The following SGCD variants were observed in gnomAD, a reference collection of about 807,000 sequenced individuals.
SGCD encodes the protein sarcoglycan delta.
Under a neutral mutation model 36.6 loss-of-function variants are expected in SGCD, and 18 were observed. That is an observed-to-expected ratio of 0.49 (90% CI 0.34 to 0.73). SGCD has a LOEUF of 0.73. Ranked by LOEUF, SGCD falls within the 30% of genes least tolerant of loss-of-function variation. The probability of loss-of-function intolerance (pLI) is 0.01; values close to 1 mark genes in which losing one functional copy is unlikely to be tolerated. For synonymous variants in SGCD, 133 were observed against 130.6 expected, an observed-to-expected ratio of 1.02 and a Z score of -0.12; for missense variants, 387 against 346.7, an observed-to-expected ratio of 1.12 and a Z score of -0.92.
At chr5:156,453,786 G>C (rs1754131061) in intron 3 of SGCD, among the ~76,000 whole-genome samples, 1 of 152,160 alleles carries the variant, frequency 6.6e-6, no homozygotes, top group Non-Finnish European at 1.5e-5. Context: ...CAATGGAATT[G>C]GTCAGCAAAC....
intron 4 of SGCD, among the ~76,000 whole-genome samples, chr5:156,520,306 C>A (rs560073886): frequency 3.5e-4 from 53 of 152,212 alleles, no homozygotes; most frequent in South Asian, 1.9e-3. Flanking sequence ...ATACAGCTAA[C>A]AAGAAAATGG....
chr5:156,456,116 A>C (rs931543255), intron 3 of SGCD, among the ~76,000 whole-genome samples: 2 of 152,194 alleles, frequency 1.3e-5, no homozygotes, highest in Non-Finnish European at 2.9e-5. Flanking sequence ...AAACTAGTGC[A>C]GTTTGGTACC....
chr5:156,432,854 C>G (rs1303449431), intron 3 of SGCD, among the ~76,000 whole-genome samples: 11 of 152,154 alleles, frequency 7.2e-5, no homozygotes, highest in Non-Finnish European at 7.3e-5. Flanking sequence ...GCAGCCTGCA[C>G]ACAGAACTTA....
At chr5:156,699,255 T>C (rs780651178) in intron 7 of SGCD, among the ~76,000 whole-genome samples, 1 of 151,722 alleles carries the variant, frequency 6.6e-6, no homozygotes, top group Non-Finnish European at 1.5e-5. Context: ...GGTATCTATT[T>C]TTTTAAGGGA....
In SGCD at chr5:155,970,277, C is replaced by T. The variant is rs1234327298; in HGVS notation, c.-282+99853C>T. Reference sequence around the variant, plus strand: ...ATGACCACATCTCTCCTCCTGCTCTCTAGCTCTGTCTCTTCCAGTAGATGT... The same window carrying T: ...ATGACCACATCTCTCCTCCTGCTCTTTAGCTCTGTCTCTTCCAGTAGATGT... On this transcript the variant is annotated intron_variant, in intron 1 of 9. Transcript: ENST00000517913. 6.6e-5 allele frequency among the ~76,000 whole-genome samples: 10 copies of T among 152,148 alleles called. No individual in the cohort carries two copies. The East Asian group carries it at 1.7e-3, about 26-fold the overall frequency.
chr5:155,938,105 G>A (rs1757247478), intron 1 of SGCD, among the ~76,000 whole-genome samples: 2 of 152,312 alleles, frequency 1.3e-5, no homozygotes, highest in South Asian at 4.1e-4. Context: ...CACTCAAAAA[G>A]CTGTTGTTTG....
chr5:156,309,932 C>T (rs1436802257), intron 3 of SGCD, among the ~76,000 whole-genome samples: 1 of 151,936 alleles, frequency 6.6e-6, no homozygotes, highest in Non-Finnish European at 1.5e-5. Context: ...CATTGTATGT[C>T]GTATAATTTT....
chr5:156,665,335 A>G (rs1024838563), intron 7 of SGCD, among the ~76,000 whole-genome samples: 12 of 151,844 alleles, frequency 7.9e-5, no homozygotes, highest in African/African-American at 2.4e-4. Context: ...ATTATAGTCA[A>G]CATTTTGCGT....
chr5:156,609,932 A>T (rs530405596), intron 6 of SGCD, among the ~76,000 whole-genome samples: 2 of 152,060 alleles, frequency 1.3e-5, no homozygotes, highest in African/African-American at 2.4e-5. Context: ...TGGTTATTCT[A>T]GTTAGCCATT....
intron 3 of SGCD, among the ~76,000 whole-genome samples, chr5:156,488,191 C>T (rs1294739378): frequency 6.9e-6 from 1 of 144,108 alleles, no homozygotes. Flanking sequence ...ATATGGGACA[C>T]CATGAATATT....
intron 2 of SGCD, among the ~76,000 whole-genome samples, chr5:156,333,244 T>C (rs1768155976): frequency 6.6e-6 from 1 of 152,202 alleles, no homozygotes; most frequent in African/African-American, 2.4e-5. Flanking sequence ...TATAGAAGGA[T>C]GTGCCTAATT....
chr5:156,468,580 C>T (rs1157865909), intron 3 of SGCD, among the ~76,000 whole-genome samples: 8 of 152,050 alleles, frequency 5.3e-5, no homozygotes, highest in Non-Finnish European at 1.0e-4. Flanking sequence ...TTGAATCATC[C>T]CCGTTGAATT....
intron 3 of SGCD, among the ~76,000 whole-genome samples, chr5:156,291,669 T>C (rs1451115030): frequency 6.6e-6 from 1 of 152,162 alleles, no homozygotes; most frequent in Admixed American, 6.5e-5. Flanking sequence ...AAACTAGCTA[T>C]TCTCACGAAA....
intron 3 of SGCD, among the ~76,000 whole-genome samples, chr5:156,278,062 G>T (rs919106441): frequency 6.6e-6 from 1 of 152,202 alleles, no homozygotes; most frequent in Non-Finnish European, 1.5e-5. Flanking sequence ...AAGGAAAGGT[G>T]ATGCTTGAGC....
intron 1 of SGCD, among the ~76,000 whole-genome samples, chr5:156,020,043 C>T (rs1350202929): frequency 1.3e-5 from 2 of 152,154 alleles, no homozygotes; most frequent in East Asian, 3.9e-4. Flanking sequence ...CTCGAATTCC[C>T]TTCTCAGATT....
At chr5:156,037,397 G>A (rs1759525708) in intron 1 of SGCD, among the ~76,000 whole-genome samples, 1 of 152,284 alleles carries the variant, frequency 6.6e-6, no homozygotes, top group Middle Eastern at 3.4e-3. Flanking sequence ...TCTCCTCAAT[G>A]TTTTCCCCAG....
chr5:156,675,150 A>C (rs1753458212), intron 7 of SGCD, among the ~76,000 whole-genome samples: 1 of 152,206 alleles, frequency 6.6e-6, no homozygotes, highest in South Asian at 2.1e-4. Context: ...TGACTCTGGC[A>C]AAATTTAAAA....
chr5:155,797,260 TATAAG>T, the SGCD span, among the ~76,000 whole-genome samples: 1 of 152,158 alleles, frequency 6.6e-6, no homozygotes, highest in Non-Finnish European at 1.5e-5. Context: ...TTTTCAAACA[TATAAG>T]GTAGAAATAA....
intron 1 of SGCD, among the ~76,000 whole-genome samples, chr5:156,044,323 A>C (rs1250373808): frequency 6.6e-6 from 1 of 152,164 alleles, no homozygotes; most frequent in Non-Finnish European, 1.5e-5. Flanking sequence ...TTGGCCCTAC[A>C]TTTCCATGCT....
Sources: gnomAD v4.1 joint callset for allele counts (sites outside exome capture counted in the v4.1 genomes callset) on GRCh38, gnomAD v4.1.1 for gene constraint, MANE v1.5 for transcripts, NCBI Gene and HGNC (gene_info 2026-07-23, HGNC 2026-07-21) for gene names.